HS2ST1: variants seen among roughly 807,000 people sequenced by gnomAD.
The protein encoded by HS2ST1 is 2-O-sulfotransferase.
In HS2ST1, 18 loss-of-function variants were observed where a neutral mutation model predicts 42.9. The ratio of observed to expected loss-of-function variants is 0.42; its 90% confidence interval spans 0.29 to 0.62. The LOEUF (loss-of-function observed/expected upper bound fraction) is 0.62, where lower values mean the gene tolerates loss of function less well. Ranked by LOEUF, HS2ST1 falls within the 20% of genes least tolerant of loss-of-function variation. HS2ST1 has a pLI of 0.21. For synonymous variants in HS2ST1, 146 were observed against 152.9 expected, an observed-to-expected ratio of 0.95 and a Z score of 0.33; for missense variants, 334 against 433.8, an observed-to-expected ratio of 0.77 and a Z score of 2.04.
chr1:87,031,356 T>C (rs1650233451), intron 1 of HS2ST1, among the ~76,000 whole-genome samples: 1 of 152,220 alleles, frequency 6.6e-6, no homozygotes, highest in Admixed American at 6.5e-5. Context: ...AACTCAGATA[T>C]ACATGTTTTC....
chr1:86,922,419 T>TTGTGTGTGTGTG (rs150775849), intron 1 of HS2ST1, among the ~76,000 whole-genome samples: 5,709 of 147,770 alleles, frequency 0.039, 316 homozygotes, highest in African/African-American at 0.13. Context: ...GTTCTTCATT[T>TTGTGTGTGTGTG]TGTGTGTGTG....
chr1:87,067,194 T>TA (rs1651275452), intron 1 of HS2ST1, among the ~76,000 whole-genome samples: 1 of 152,224 alleles, frequency 6.6e-6, no homozygotes. Flanking sequence ...ATCAACAGTG[T>TA]AAAAGTGTTC....
chr1:86,936,934 A>G lies in HS2ST1; in HGVS notation c.124+21774A>G, dbSNP rs562995190. Reference sequence around the variant, plus strand: ...AACATGGTGAAACCCCGTCTCTACTAAAAAAAAAAAAAAAAAAAAAATTAG... The same window carrying G: ...AACATGGTGAAACCCCGTCTCTACTGAAAAAAAAAAAAAAAAAAAAATTAG... On this transcript the variant is annotated intron_variant, in intron 1 of 6. Coordinates refer to ENST00000370550, the MANE Select transcript of HS2ST1 (RefSeq NM_012262.4). Among the ~76,000 whole-genome samples the G allele has an allele frequency of 9.4e-4, 70 of 74,690 alleles. 1 individual carries two copies. In the South Asian group the frequency reaches 0.024, roughly 26 times the overall value. The allele number at this position is 74,690 out of a possible 152,430, so 49.0% of individuals were successfully genotyped here. A position where few individuals can be genotyped will look rare whatever the true frequency, so the allele number is the denominator to read the frequency against.
At chr1:87,102,359 C>A (rs1020991270) in intron 5 of HS2ST1, among the ~76,000 whole-genome samples, 1 of 151,998 alleles carries the variant, frequency 6.6e-6, no homozygotes, top group African/African-American at 2.4e-5. Context: ...CACCAGGCCC[C>A]CAGTCTTTTA....
At position 86,988,758 on chromosome 1, in the gene HS2ST1, C is replaced by T. The variant is rs1340483243; in HGVS notation, c.124+73598C>T. Among the ~76,000 whole-genome samples, 6 of 152,142 alleles carry T rather than the reference C, an allele frequency of 3.9e-5. No individual in the cohort carries two copies. The East Asian group carries it at 9.6e-4, about 24-fold the overall frequency. Reference sequence around the variant, plus strand: ...ATGGCGTTACATCAATCTATTCAAACGGGTCATTTTGTTAATGATTGGCAA... The same window carrying T: ...ATGGCGTTACATCAATCTATTCAAATGGGTCATTTTGTTAATGATTGGCAA... On this transcript the variant is annotated intron_variant, in intron 1 of 6. Transcript: ENST00000370550.
At chr1:86,927,929 C>T (rs2102161154) in intron 1 of HS2ST1, among the ~76,000 whole-genome samples, 1 of 152,182 alleles carries the variant, frequency 6.6e-6, no homozygotes, top group East Asian at 1.9e-4. Flanking sequence ...AGTTGGTAGT[C>T]TGAGTCTCCA....
At chr1:86,922,856 T>A (rs555514732) in intron 1 of HS2ST1, among the ~76,000 whole-genome samples, 1 of 152,330 alleles carries the variant, frequency 6.6e-6, no homozygotes, top group South Asian at 2.1e-4. Context: ...GCTTCTTGGA[T>A]CTGTGAGTTT....
At chr1:87,052,252 C>CA (rs984630661) in intron 1 of HS2ST1, among the ~76,000 whole-genome samples, 20 of 148,708 alleles carry the variant, frequency 1.3e-4, no homozygotes, top group South Asian at 1.1e-3. Flanking sequence ...GACCCTGTCT[C>CA]AAAAAAAATT....
intron 1 of HS2ST1, among the ~76,000 whole-genome samples, chr1:87,025,500 A>T (rs1650060990): frequency 6.6e-6 from 1 of 152,214 alleles, no homozygotes; most frequent in Admixed American, 6.5e-5. Context: ...TAAAAGGGTA[A>T]ATTTGGAATT....
intron 1 of HS2ST1, among the ~76,000 whole-genome samples, chr1:86,999,741 A>G (rs564260649): frequency 6.6e-5 from 10 of 152,296 alleles, no homozygotes; most frequent in African/African-American, 2.2e-4. Flanking sequence ...TAGGCCTAGT[A>G]AAGTCAAATA....
intron 1 of HS2ST1, among the ~76,000 whole-genome samples, chr1:87,061,245 T>A (rs1299667735): frequency 6.6e-6 from 1 of 152,118 alleles, no homozygotes; most frequent in East Asian, 1.9e-4. Flanking sequence ...ATTTGGTAAT[T>A]TTTTTGAAGT....
intron 1 of HS2ST1, among the ~76,000 whole-genome samples, chr1:87,004,831 A>G (rs561061026): frequency 1.3e-5 from 2 of 152,354 alleles, no homozygotes; most frequent in South Asian, 2.1e-4. Context: ...TTCTCAACCA[A>G]TATAGAAATC....
intron 1 of HS2ST1, among the ~76,000 whole-genome samples, chr1:87,023,339 A>T (rs1650000375): frequency 6.6e-6 from 1 of 152,158 alleles, no homozygotes; most frequent in Non-Finnish European, 1.5e-5. Context: ...GATCATAAGC[A>T]TCCTAAATGT....
intron 1 of HS2ST1, among the ~76,000 whole-genome samples, chr1:87,039,747 C>A (rs749414830): frequency 1.3e-5 from 2 of 152,166 alleles, no homozygotes; most frequent in Non-Finnish European, 2.9e-5. Flanking sequence ...TCAGTTGCTT[C>A]ATCTTTAAAG....
chr1:87,011,108 A>G (rs1170506500), intron 1 of HS2ST1, among the ~76,000 whole-genome samples: 2 of 152,090 alleles, frequency 1.3e-5, no homozygotes, highest in Middle Eastern at 3.4e-3. Context: ...TTATAGAAAA[A>G]TATTCCTATG....
chr1:86,925,387 A>G (rs748995227), intron 1 of HS2ST1, among the ~76,000 whole-genome samples: 3 of 152,174 alleles, frequency 2.0e-5, no homozygotes, highest in Non-Finnish European at 4.4e-5. Flanking sequence ...CTTTTCAGCA[A>G]TGCCCCACTC....
At chr1:86,938,659 G>T (rs1449478839) in intron 1 of HS2ST1, among the ~76,000 whole-genome samples, 7 of 152,062 alleles carry the variant, frequency 4.6e-5, no homozygotes, top group Admixed American at 4.6e-4. Context: ...AGTGAATGTT[G>T]GCAGGTGTTC....
At chr1:86,926,414 A>G (rs1660423453) in intron 1 of HS2ST1, among the ~76,000 whole-genome samples, 1 of 152,152 alleles carries the variant, frequency 6.6e-6, no homozygotes. Flanking sequence ...AGAATGTTGG[A>G]TCCCTGAATT....
intron 1 of HS2ST1, chr1:86,958,478 G>A (rs755947434): frequency 5.2e-5 from 8 of 152,422 alleles, no homozygotes; most frequent in Non-Finnish European, 1.2e-4. Flanking sequence ...TGCTGTCTCA[G>A]GAGTGGCAAA....
Sources: allele counts gnomAD v4.1 joint callset (sites outside exome capture counted in the v4.1 genomes callset), GRCh38; gene constraint gnomAD v4.1.1; transcripts MANE v1.5; gene names NCBI Gene and HGNC (gene_info 2026-07-23, HGNC 2026-07-21).